Variants in XRN1 observed in about 807,000 individuals in gnomAD.
The protein encoded by XRN1 is 5'-3' exoribonuclease 1, also known as strand-exchange protein 1 homolog.
A neutral mutation model predicts 222.3 loss-of-function variants in XRN1; 67 were observed. The observed-to-expected ratio is 0.30, with a 90% CI of 0.25 to 0.37. XRN1 has a LOEUF of 0.37. Ranked by LOEUF, XRN1 falls within the 10% of genes least tolerant of loss-of-function variation. XRN1 has a pLI of 1.00. For missense variants in XRN1, 1,707 were observed against 2,000.2 expected, an observed-to-expected ratio of 0.85 and a Z score of 2.80; for synonymous variants, 643 against 652.4, an observed-to-expected ratio of 0.99 and a Z score of 0.22.
chr3:142,446,254 T>C (rs577855090), intron 1 of XRN1, among the ~76,000 whole-genome samples: 91 of 152,352 alleles, frequency 6.0e-4, no homozygotes, highest in Non-Finnish European at 1.2e-3. Flanking sequence ...TGTGACTTAT[T>C]TAGGCATTAC....
chr3:142,422,184 A>T (rs1212259444), intron 8 of XRN1, among the ~76,000 whole-genome samples: 2 of 152,034 alleles, frequency 1.3e-5, no homozygotes, highest in African/African-American at 4.8e-5. Context: ...AAAATATAGA[A>T]CTTAGCTGGG....
intron 36 of XRN1, among the ~76,000 whole-genome samples, chr3:142,331,827 T>C (rs1206141259): frequency 3.9e-5 from 6 of 152,178 alleles, no homozygotes; most frequent in African/African-American, 1.4e-4. Context: ...CAGGTTAGAG[T>C]GCAGTGGCGT....
In XRN1 at chr3:142,318,845, C is replaced by A; in HGVS notation, c.4463G>T (p.Cys1488Phe). Residue 1488 changes from cysteine to phenylalanine, a missense_variant, in exon 38 of 41, where the codon TGC becomes TTC. This residue lies in a region of XRN1 where 473 missense variants were observed against 482.0 expected (regional missense o/e 0.98). Coordinates refer to ENST00000392981, the MANE Select transcript of XRN1 (RefSeq NM_001282857.2). ...CTCTTTGGCTTCATTTTCAGAGTGG[C>A]ACTGTGGCCCATGTACCAGTAAGCC... Reference protein sequence around the residue: ...SNGLLVHGPQCHSENEAKEKA... With the variant: ...SNGLLVHGPQFHSENEAKEKA... 1.9e-6 allele frequency: 3 copies of A among 1,613,966 alleles called. No individual in the cohort carries two copies. Among genetic ancestry groups the A allele is most frequent in the Non-Finnish European group, 2.5e-6 (3 of 1,179,918 alleles).
chr3:142,375,803 T>G lies in XRN1; in HGVS notation c.2973A>C (p.Leu991Phe), dbSNP rs1388012801. The change falls in exon 25 of 41, where the codon TTA becomes TTC. Residue 991 changes from leucine to phenylalanine, a missense_variant. Physicochemically the swap from Leu to Phe is conservative, Grantham distance 22. Coordinates refer to ENST00000392981, the MANE Select transcript of XRN1 (RefSeq NM_001282857.2). ...SAAEQLLAEY[L>F]ERAPELFSYI... ...GTATCTTATTATGTACTTACCTCTC[T>G]AAGTACTCTGCCAGAAGTTGTTCTG... 1 of 1,613,396 alleles carries G rather than the reference T, an allele frequency of 6.2e-7. No individual in the cohort carries two copies. Among genetic ancestry groups the G allele is most frequent in the African/African-American group, 1.3e-5 (1 of 75,000 alleles).
At chr3:142,337,935 C>G (rs2065893489) in intron 33 of XRN1, among the ~76,000 whole-genome samples, 1 of 152,116 alleles carries the variant, frequency 6.6e-6, no homozygotes, top group Non-Finnish European at 1.5e-5. Flanking sequence ...TTGCAGCAAT[C>G]TAGGGAGTGT....
intron 29 of XRN1, among the ~76,000 whole-genome samples, chr3:142,362,856 G>A (rs922192875): frequency 1.3e-5 from 2 of 149,342 alleles, no homozygotes; most frequent in East Asian, 2.0e-4. Context: ...CTGCATCTCC[G>A]ATCTCCTGGG....
intron 13 of XRN1, among the ~76,000 whole-genome samples, chr3:142,416,739 C>T (rs903709315): frequency 5.9e-5 from 9 of 151,890 alleles, no homozygotes; most frequent in Admixed American, 3.9e-4. Flanking sequence ...TAAAAAATTA[C>T]CATAAGTAGA....
intron 37 of XRN1, 146 bp downstream of exon 37, chr3:142,329,288 G>T: frequency 4.2e-6 from 2 of 473,076 alleles, no homozygotes; most frequent in Non-Finnish European, 3.4e-6. Context: ...AAATATTAGA[G>T]CTAGGGTAAG....
rs143382514 is a variant in XRN1, at chr3:142,370,601, T to C, written c.3088A>G (p.Ile1030Val). The change falls in exon 27 of 41, where the codon ATT becomes GTT. Residue 1030 changes from isoleucine (I) to valine (V), a missense_variant. By Grantham distance (29) the Ile-to-Val change is conservative (BLOSUM62 3). This residue lies in a region of XRN1 where 1,234 missense variants were observed against 1,518.2 expected (regional missense o/e 0.81). Coordinates refer to ENST00000392981, the MANE Select transcript of XRN1 (RefSeq NM_001282857.2). The stretch of plus-strand genomic sequence containing the variant: ...GGATGTCCTTTTAGCCAAGTAATAA[T>C]TTCTTGAACTTTTTCAGCACTAAAG... Reference protein sequence around the residue: ...NENGAEKVQEIITWLKGHPVS... With the variant: ...NENGAEKVQEVITWLKGHPVS... The C allele has an allele frequency of 2.6e-5, 41 of 1,582,918 alleles. No homozygotes were observed. In the African/African-American group the frequency reaches 4.4e-4, roughly 17 times the overall value.
chr3:142,350,720 G>T (rs1404191979), intron 32 of XRN1, among the ~76,000 whole-genome samples: 1 of 152,138 alleles, frequency 6.6e-6, no homozygotes, highest in African/African-American at 2.4e-5. Flanking sequence ...ATTTGAAAGA[G>T]ATTTACATAT....
intron 33 of XRN1, among the ~76,000 whole-genome samples, chr3:142,341,463 AAATAATAATAAAAGGAAG>A (rs2065992463): frequency 6.6e-6 from 1 of 152,000 alleles, no homozygotes; most frequent in Non-Finnish European, 1.5e-5. Flanking sequence ...GAAGAATAAT[AAATAATAATAAAAGGAAG>A]AATAATAATA....
rs573856556 is a variant in XRN1, at chr3:142,321,105, C to CTTTTTTTTTT, written c.4405-2212_4405-2203dup. ...CATTTGCTGAAAGATCATCCACTTC[C>CTTTTTTTTTT]TTTTTTTTTTTTTTTTTTTTTTTTT... On this transcript the variant is annotated intron_variant, in intron 37 of 40. Coordinates refer to ENST00000392981, the MANE Select transcript of XRN1 (RefSeq NM_001282857.2). Among the ~76,000 whole-genome samples the CTTTTTTTTTT allele has an allele frequency of 1.0e-4, 9 of 87,310 alleles. 1 individual carries two copies. The highest frequency in any genetic ancestry group is 1.5e-4 in the Admixed American group (1 of 6,644). 57.3% of individuals were successfully genotyped at this position (87,310 alleles called of 152,430 possible).
At chr3:142,435,594 C>T (rs1277884979) in intron 1 of XRN1, among the ~76,000 whole-genome samples, 4 of 150,594 alleles carry the variant, frequency 2.7e-5, no homozygotes, top group Non-Finnish European at 4.4e-5. Flanking sequence ...ACCATCTCTA[C>T]CAAAAATACA....
rs369464925 is a variant in XRN1, at chr3:142,426,823, T to C, written c.327A>G (p.Glu109=). 1.9e-6 allele frequency: 3 copies of C among 1,613,558 alleles called. No individual in the cohort carries two copies. The highest frequency in any genetic ancestry group is 2.7e-5 in the African/African-American group (2 of 74,934). ...TCTCTATTGCCTTTTTAATTTTGTC[T>C]TCTGCCTCCTTTGCTGACCTTAAAG... ...GRRFRSAKEA[E]DKIKKAIEKG... The change falls in exon 3 of 41, where the codon GAA becomes GAG. Residue 109 remains glutamate, a synonymous_variant. Transcript: ENST00000392981.
chr3:142,335,901 C>T (rs551407040), intron 33 of XRN1, among the ~76,000 whole-genome samples: 80 of 152,112 alleles, frequency 5.3e-4, no homozygotes, highest in African/African-American at 1.6e-3. Flanking sequence ...CTGAAGACTA[C>T]GGTATTATAT....
chr3:142,393,935 T>G (rs541921470), intron 20 of XRN1, among the ~76,000 whole-genome samples: 1 of 152,160 alleles, frequency 6.6e-6, no homozygotes, highest in East Asian at 1.9e-4. Context: ...CAAGTGATTC[T>G]CCAGCCTCAG....
At chr3:142,445,564 G>C (rs1487403777) in intron 1 of XRN1, among the ~76,000 whole-genome samples, 1 of 152,138 alleles carries the variant, frequency 6.6e-6, no homozygotes, top group African/African-American at 2.4e-5. Flanking sequence ...AAATACAGTG[G>C]TTTGCTTTGT....
At chr3:142,399,024 C>A (rs753666243) in intron 19 of XRN1, among the ~76,000 whole-genome samples, 1 of 150,998 alleles carries the variant, frequency 6.6e-6, no homozygotes, top group Non-Finnish European at 1.5e-5. Context: ...ATGAAAAAAA[C>A]CAAAACAATG....
At chr3:142,376,349 G>A (rs965735933) in intron 24 of XRN1, 130 bp downstream of exon 24, 27 of 817,164 alleles carry the variant, frequency 3.3e-5, no homozygotes, top group Non-Finnish European at 4.1e-5. Context: ...TACCATCAGA[G>A]AAATTTATGC....
Sources: allele counts gnomAD v4.1 joint callset (sites outside exome capture counted in the v4.1 genomes callset), GRCh38; gene constraint gnomAD v4.1.1; regional missense constraint gnomAD v4.1.1; transcripts MANE v1.5; gene names NCBI Gene and HGNC (gene_info 2026-07-23, HGNC 2026-07-21).